The following TMEM106B variants were observed in gnomAD, a reference collection of about 807,000 sequenced individuals.
TMEM106B encodes the protein transmembrane protein 106B.
Under a neutral mutation model 31.1 loss-of-function variants are expected in TMEM106B, and 15 were observed. The ratio of observed to expected loss-of-function variants is 0.48; its 90% confidence interval spans 0.32 to 0.74. TMEM106B has a LOEUF of 0.74. Ranked by LOEUF, TMEM106B falls within the 30% of genes least tolerant of loss-of-function variation. TMEM106B has a pLI of 0.03. For missense variants in TMEM106B, 283 were observed against 327.3 expected (o/e 0.86, Z 1.04); for synonymous variants, 126 against 112.5 (o/e 1.12, Z -0.76).
At chr7:12,229,853 T>G in intron 5 of TMEM106B, 34 bp downstream of exon 5, 1 of 1,569,952 alleles carries the variant, frequency 6.4e-7, no homozygotes, top group Non-Finnish European at 8.6e-7. Flanking sequence ...TTGTAAGAGT[T>G]AAATGAATGT....
chr7:12,217,026 ATTT>A (rs34797201), intron 2 of TMEM106B, among the ~76,000 whole-genome samples: 1 of 150,190 alleles, frequency 6.7e-6, no homozygotes, highest in Admixed American at 6.6e-5. Flanking sequence ...CAGGAGAGGG[ATTT>A]TTTTTTTTCT....
Position 12,234,110 on chromosome 7 carries a change from G to A in TMEM106B, c.*2135G>A, listed in dbSNP as rs780160265. On this transcript the variant is annotated 3_prime_UTR_variant, in exon 8 of 8. Transcript: ENST00000396668. ...TTCTTCAAAATTATCTTTTAGATAC[G>A]CTCATACAAAAATCAATCCTTGTTT... 7.3e-5 allele frequency: 11 copies of A among 151,346 alleles called. No homozygotes were observed. Among genetic ancestry groups the A allele is most frequent in the African/African-American group, 1.7e-4 (7 of 41,248 alleles). 9.4% of individuals were successfully genotyped at this position (151,346 alleles called of 1,614,324 possible).
intron 4 of TMEM106B, among the ~76,000 whole-genome samples, chr7:12,229,388 A>G (rs1417077479): frequency 1.3e-5 from 2 of 152,176 alleles, no homozygotes; most frequent in Non-Finnish European, 2.9e-5. Flanking sequence ...AACATTTTAA[A>G]TGGTCATCTT....
chr7:12,223,871 C>A (rs1781839914), intron 3 of TMEM106B, among the ~76,000 whole-genome samples: 1 of 152,018 alleles, frequency 6.6e-6, no homozygotes, highest in African/African-American at 2.4e-5. Flanking sequence ...CAGGCGCACA[C>A]CACCACACCT....
At chr7:12,219,294 A>G (rs1255781570) in intron 3 of TMEM106B, among the ~76,000 whole-genome samples, 1 of 152,186 alleles carries the variant, frequency 6.6e-6, no homozygotes, top group African/African-American at 2.4e-5. Flanking sequence ...ATAAATATAC[A>G]TGGAGGCCAT....
rs1452257493 is a variant in TMEM106B, at chr7:12,240,036, C to A, written c.*8061C>A. 9.1e-6 allele frequency: 1 copy of A among 110,296 alleles called. No homozygotes were observed. The highest frequency in any genetic ancestry group is 1.8e-5 in the Non-Finnish European group (1 of 54,084). The allele number at this position is 110,296 out of a possible 1,614,324, so 6.8% of individuals were successfully genotyped here. A position where few individuals can be genotyped will look rare whatever the true frequency, so the allele number is the denominator to read the frequency against. ...TGATGCACAATAAAAGGAAGTATAT[C>A]TGCACTTCCTTCTTTTTTACTGAAA... On this transcript the variant is annotated 3_prime_UTR_variant, in exon 8 of 8. Coordinates refer to ENST00000396668, the MANE Select transcript of TMEM106B (RefSeq NM_001134232.2).
chr7:12,225,915 T>A (rs1011920835), intron 4 of TMEM106B, among the ~76,000 whole-genome samples: 9 of 152,150 alleles, frequency 5.9e-5, no homozygotes, highest in African/African-American at 2.2e-4. Context: ...GGTGTTTTAG[T>A]CATGAAGTCC....
Position 12,232,009 on chromosome 7 carries a change from CTATTGA to C in TMEM106B, c.*39_*44del. On this transcript the variant is annotated 3_prime_UTR_variant, in exon 8 of 8. Coordinates refer to ENST00000396668, the MANE Select transcript of TMEM106B (RefSeq NM_001134232.2). ...AGAGATGGATTTAAAGAAGAAATATCTATTGATATTTCCTATACTCTCAATGAAGAG... is the reference window on the plus strand; with the variant it reads ...AGAGATGGATTTAAAGAAGAAATATCTATTTCCTATACTCTCAATGAAGAG... 1 of 1,597,240 alleles carries C rather than the reference CTATTGA, an allele frequency of 6.3e-7. No individual in the cohort carries two copies. The highest frequency in any genetic ancestry group is 8.6e-7 in the Non-Finnish European group (1 of 1,168,204).
At position 12,238,105 on chromosome 7, in the gene TMEM106B, A is replaced by C. The variant is rs568316976; in HGVS notation, c.*6130A>C. On this transcript the variant is annotated 3_prime_UTR_variant, in exon 8 of 8. Coordinates refer to ENST00000396668, the MANE Select transcript of TMEM106B (RefSeq NM_001134232.2). ...TTTTACCAATGGTAGGTCTTTTTTC[A>C]AAATTGGAGCCAGTCCTCTCAAACC... The C allele has an allele frequency of 6.6e-6, 1 of 152,638 alleles. No individual in the cohort carries two copies. The highest frequency in any genetic ancestry group is 1.9e-4 in the East Asian group (1 of 5,228). 9.5% of individuals were successfully genotyped at this position (152,638 alleles called of 1,614,324 possible).
intron 4 of TMEM106B, 26 bp downstream of exon 4, chr7:12,224,411 G>T (rs372753178): frequency 6.3e-7 from 1 of 1,574,902 alleles, no homozygotes; most frequent in African/African-American, 1.4e-5. Context: ...TATGAAAAAT[G>T]TTTAACTTCA....
chr7:12,214,734 G>A (rs1562702131), intron 1 of TMEM106B, 75 bp from the exon 2 acceptor site: 3 of 1,169,456 alleles, frequency 2.6e-6, no homozygotes, highest in Non-Finnish European at 2.4e-6. Flanking sequence ...AAATTAATTA[G>A]TGTAAATATC....
intron 3 of TMEM106B, among the ~76,000 whole-genome samples, chr7:12,221,087 A>AGTGTGGGT (rs1554308779): frequency 6.7e-6 from 1 of 149,952 alleles, no homozygotes; most frequent in Non-Finnish European, 1.5e-5. Flanking sequence ...AAGCAAGTAA[A>AGTGTGGGT]GTGTGTGTGT....
chr7:12,219,416 A>G (rs1433754107), intron 3 of TMEM106B, among the ~76,000 whole-genome samples: 2 of 152,224 alleles, frequency 1.3e-5, no homozygotes, highest in East Asian at 1.9e-4. Flanking sequence ...TTGAAAGTAC[A>G]AAAGCTCTTT....
At chr7:12,220,123 A>G (rs1380324450) in intron 3 of TMEM106B, among the ~76,000 whole-genome samples, 1 of 152,228 alleles carries the variant, frequency 6.6e-6, no homozygotes, top group Non-Finnish European at 1.5e-5. Context: ...ATGGTGTGAC[A>G]TATTTAAATC....
chr7:12,224,768 C>G (rs975064837), intron 4 of TMEM106B, among the ~76,000 whole-genome samples: 5 of 151,910 alleles, frequency 3.3e-5, no homozygotes, highest in Non-Finnish European at 7.4e-5. Flanking sequence ...TTGGGAAATA[C>G]AGTTTTTGCC....
intron 4 of TMEM106B, among the ~76,000 whole-genome samples, chr7:12,228,644 C>G (rs1320231059): frequency 6.6e-6 from 1 of 151,850 alleles, no homozygotes; most frequent in Non-Finnish European, 1.5e-5. Context: ...ATTGCCCGAT[C>G]AAAGTCTATA....
At chr7:12,212,928 A>C (rs1781608856) in intron 1 of TMEM106B, among the ~76,000 whole-genome samples, 1 of 152,228 alleles carries the variant, frequency 6.6e-6, no homozygotes, top group Non-Finnish European at 1.5e-5. Context: ...AAGACATATC[A>C]AATTTAGAAG....
At chr7:12,215,753 G>C (rs1781674757) in intron 2 of TMEM106B, 1 of 196,558 alleles carries the variant, frequency 5.1e-6, no homozygotes, top group Non-Finnish European at 1.2e-5. Flanking sequence ...TAAAGAAGAA[G>C]AATAAGCTGG....
At position 12,225,537 on chromosome 7, in the gene TMEM106B, C is replaced by G. The variant is rs570989007; in HGVS notation, c.441+1152C>G. 4.1e-4 allele frequency among the ~76,000 whole-genome samples: 63 copies of G among 152,264 alleles called. 1 individual carries two copies. Among genetic ancestry groups the G allele is most frequent in the African/African-American group, 1.4e-3 (59 of 41,554 alleles). ...ACATCCTCTCTACCATCTGTTGTTT[C>G]CTGAACTTTTTAATAATCGCCATTC... On this transcript the variant is annotated intron_variant, in intron 4 of 7. Transcript: ENST00000396668.
Sources: allele counts gnomAD v4.1 joint callset (sites outside exome capture counted in the v4.1 genomes callset), GRCh38; gene constraint gnomAD v4.1.1; transcripts MANE v1.5; gene names NCBI Gene and HGNC (gene_info 2026-07-23, HGNC 2026-07-21).